Variants in AMBP observed in about 807,000 individuals in gnomAD.
The protein encoded by AMBP is protein AMBP.
AMBP carries 37 observed loss-of-function variants against 46.3 expected under a neutral mutation model. The ratio of observed to expected loss-of-function variants is 0.80; its 90% CI spans 0.61 to 1.05. The LOEUF is 1.05. Among genes scored for constraint, AMBP ranks in the 50% least tolerant of loss-of-function variants. AMBP has a pLI of 0.00. For synonymous variants in AMBP, 174 were observed against 175.9 expected (o/e 0.99, Z 0.09); for missense variants, 475 against 461.2 (o/e 1.03, Z -0.27).
Position 114,069,718 on chromosome 9 carries a change from G to T in AMBP, c.584C>A (p.Pro195Gln). The T allele has an allele frequency of 6.2e-7, 1 of 1,613,958 alleles. No individual in the cohort carries two copies. Among genetic ancestry groups the T allele is most frequent in the African/African-American group, 1.3e-5 (1 of 75,036 alleles). ...ACTCACCGGGATTAAGATGGGCTCTGGTTCCTGCTCCCCAGGGACACATTC... is the reference window on the plus strand; with the variant it reads ...ACTCACCGGGATTAAGATGGGCTCTTGTTCCTGCTCCCCAGGGACACATTC... Reference protein sequence around the residue: ...RGECVPGEQEPEPILIPRVRR... With the variant: ...RGECVPGEQEQEPILIPRVRR... The change falls in exon 6 of 10, where the codon CCA becomes CAA. Residue 195 changes from proline (P) to glutamine (Q), a missense_variant. Pro to Gln is a moderately conservative substitution (Grantham distance 76). This residue lies in a region of AMBP where 293 missense variants were observed against 276.9 expected (regional missense o/e 1.06). Coordinates refer to ENST00000265132, the MANE Select transcript of AMBP (RefSeq NM_001633.4).
chr9:114,061,858 G>C (rs746582387), intron 7 of AMBP, among the ~76,000 whole-genome samples: 3 of 152,016 alleles, frequency 2.0e-5, no homozygotes, highest in Non-Finnish European at 4.4e-5. Flanking sequence ...CTGTCCCCCT[G>C]TATTGGTCTT....
chr9:114,078,029 A>C, intron 1 of AMBP, 64 bp downstream of exon 1: 1 of 1,532,324 alleles, frequency 6.5e-7, no homozygotes, highest in Non-Finnish European at 9.0e-7. Flanking sequence ...CTTGCCCAGC[A>C]GGGCCCATCT....
Position 114,061,574 on chromosome 9 carries a change from A to G in AMBP, c.703T>C (p.Tyr235His), listed in dbSNP as rs1475502710. The G allele has an allele frequency of 1.2e-6, 2 of 1,602,262 alleles. No individual in the cohort carries two copies. Among genetic ancestry groups the G allele is most frequent in the Non-Finnish European group, 1.7e-6 (2 of 1,171,854 alleles). Residue 235 changes from tyrosine to histidine, a missense_variant, in exon 8 of 10, where the codon TAC becomes CAC. This residue lies in a region of AMBP where 293 missense variants were observed against 276.9 expected (regional missense o/e 1.06). Coordinates refer to ENST00000265132, the MANE Select transcript of AMBP (RefSeq NM_001633.4). ...TKKEDSCQLG[Y>H]SAGPCMGMTS... ...ATTCCCATGCAGGGACCGGCCGAGT[A>G]GCCCAGCTGGCAGGAATCTAGGGAG...
At chr9:114,065,714 T>C (rs1165743302) in intron 6 of AMBP, among the ~76,000 whole-genome samples, 1 of 149,876 alleles carries the variant, frequency 6.7e-6, no homozygotes, top group Admixed American at 6.6e-5. Context: ...TACACTAAAG[T>C]AGGATGGGGC....
chr9:114,069,322 T>A (rs1318164688), intron 6 of AMBP, among the ~76,000 whole-genome samples: 1 of 152,254 alleles, frequency 6.6e-6, no homozygotes, highest in African/African-American at 2.4e-5. Flanking sequence ...TTTCTTTTCA[T>A]GCTGAATATC....
intron 4 of AMBP, 83 bp downstream of exon 4, chr9:114,073,953 C>A: frequency 1.5e-6 from 2 of 1,328,094 alleles, no homozygotes; most frequent in South Asian, 1.2e-5. Flanking sequence ...GCAAAACTCC[C>A]TGTGCTTACC....
At chr9:114,077,011 ACTCT>A (rs1846820466) in intron 1 of AMBP, among the ~76,000 whole-genome samples, 1 of 152,080 alleles carries the variant, frequency 6.6e-6, no homozygotes, top group Non-Finnish European at 1.5e-5. Context: ...AGAAGGGCTA[ACTCT>A]CTCAAGATGT....
chr9:114,072,831 G>C (rs982748319), intron 5 of AMBP, 94 bp downstream of exon 5: 2 of 1,109,426 alleles, frequency 1.8e-6, no homozygotes, highest in Admixed American at 2.3e-5. Context: ...TTATCTCAGA[G>C]GGTTATAGTA....
intron 2 of AMBP, among the ~76,000 whole-genome samples, chr9:114,076,251 G>A (rs1056015605): frequency 6.6e-6 from 1 of 151,722 alleles, no homozygotes; most frequent in South Asian, 2.1e-4. Flanking sequence ...AGGTTGGGGG[G>A]GATTTAGGAG....
chr9:114,062,946 G>A (rs1305675485), intron 6 of AMBP, among the ~76,000 whole-genome samples, 188 bp from the exon 7 acceptor site: 2 of 152,096 alleles, frequency 1.3e-5, no homozygotes, highest in Non-Finnish European at 2.9e-5. Context: ...AGGCATCAGA[G>A]GACAGATTTC....
At chr9:114,069,769 G>A (rs1209279044) in intron 5 of AMBP, 24 bp from the exon 6 acceptor site, 1 of 1,613,926 alleles carries the variant, frequency 6.2e-7, no homozygotes, top group Non-Finnish European at 8.5e-7. Context: ...CAGGAGAGAG[G>A]AGTGAATAAC....
intron 6 of AMBP, among the ~76,000 whole-genome samples, chr9:114,069,333 ATTATTTCATTATTGAGGATTG>A (rs1219872180): frequency 3.3e-5 from 5 of 152,188 alleles, no homozygotes; most frequent in African/African-American, 1.2e-4. Flanking sequence ...GCTGAATATC[ATTATTTCATTATTGAGGATTG>A]TTATTTCATT....
chr9:114,073,174 C>T (rs1846763780), intron 4 of AMBP, 148 bp from the exon 5 acceptor site: 1 of 693,504 alleles, frequency 1.4e-6, no homozygotes, highest in Admixed American at 3.0e-5. Context: ...GAAGGAAAGA[C>T]AGGCTCCCAA....
At chr9:114,077,952 T>C in intron 1 of AMBP, 141 bp downstream of exon 1, 2 of 829,698 alleles carry the variant, frequency 2.4e-6, no homozygotes, top group Non-Finnish European at 4.0e-6. Flanking sequence ...GATAGAGCTG[T>C]ACCTTCAAAG....
intron 1 of AMBP, chr9:114,077,535 C>T (rs1588492561): frequency 6.4e-6 from 1 of 155,352 alleles, no homozygotes; most frequent in East Asian, 1.9e-4. Context: ...CAGGTCTCTC[C>T]TTGTGCCCAA....
intron 8 of AMBP, 27 bp downstream of exon 8, chr9:114,061,397 C>G: frequency 6.2e-7 from 1 of 1,613,688 alleles, no homozygotes; most frequent in Non-Finnish European, 8.5e-7. Context: ...GGGTGCAGAG[C>G]GCACAGGGGT....
chr9:114,061,236 A>C, intron 8 of AMBP, 138 bp from the exon 9 acceptor site: 1 of 1,390,678 alleles, frequency 7.2e-7, no homozygotes, highest in Non-Finnish European at 9.7e-7. Flanking sequence ...ACTGGGGCCC[A>C]CAGGAAGAAA....
At position 114,074,032 on chromosome 9, in the gene AMBP, T is replaced by C; in HGVS notation, c.454+4A>G. 1 of 1,613,324 alleles carries C rather than the reference T, an allele frequency of 6.2e-7. No individual in the cohort carries two copies. The highest frequency in any genetic ancestry group is 8.5e-7 in the Non-Finnish European group (1 of 1,179,264). On this transcript the variant is annotated splice_donor_region_variant and intron_variant, in intron 4 of 9. Transcript: ENST00000265132. ...AATGGGCACATCTAGTAATGAGCCTTTACCGTAGAGCTTGGCAGTAATGGT... is the reference window on the plus strand; with the variant it reads ...AATGGGCACATCTAGTAATGAGCCTCTACCGTAGAGCTTGGCAGTAATGGT...
chr9:114,061,399 C>T, intron 8 of AMBP, 25 bp downstream of exon 8: 1 of 1,613,858 alleles, frequency 6.2e-7, no homozygotes, highest in Non-Finnish European at 8.5e-7. Context: ...GTGCAGAGCG[C>T]ACAGGGGTGG....
Sources: gnomAD v4.1 joint callset for allele counts (sites outside exome capture counted in the v4.1 genomes callset) on GRCh38, gnomAD v4.1.1 for gene constraint, gnomAD v4.1.1 regional missense constraint, MANE v1.5 for transcripts, NCBI Gene and HGNC (gene_info 2026-07-23, HGNC 2026-07-21) for gene names.